Variants in KALRN observed in about 807,000 individuals in gnomAD.
The protein encoded by KALRN is kalirin RhoGEF kinase.
In KALRN, 70 loss-of-function variants were observed where a neutral mutation model predicts 353.7. The ratio of observed to expected loss-of-function variants is 0.20; its 90% CI spans 0.16 to 0.24. The LOEUF (loss-of-function observed/expected upper bound fraction) is 0.24, where lower values mean the gene tolerates loss of function less well. Among genes scored for constraint, KALRN ranks in the 10% least tolerant of loss-of-function variants. The pLI is 1.00. For missense variants in KALRN, 2,791 were observed against 3,756.7 expected, an observed-to-expected ratio of 0.74 and a Z score of 6.72; for synonymous variants, 1,391 against 1,434.8, an observed-to-expected ratio of 0.97 and a Z score of 0.69.
chr3:124,254,353 A>G (rs1210622439), intron 3 of KALRN, among the ~76,000 whole-genome samples: 2 of 150,496 alleles, frequency 1.3e-5, no homozygotes, highest in Non-Finnish European at 2.9e-5. Flanking sequence ...CCTCAGTTCT[A>G]ACAGGAGGAG....
intron 5 of KALRN, among the ~76,000 whole-genome samples, chr3:124,289,350 G>A (rs186775150): frequency 1.2e-3 from 177 of 152,288 alleles, no homozygotes; most frequent in African/African-American, 4.1e-3. Flanking sequence ...CAGGATTTAA[G>A]TCTGTATTGG....
At chr3:124,466,352 A>G (rs16835484) in intron 25 of KALRN, among the ~76,000 whole-genome samples, 6,844 of 152,276 alleles carry the variant, frequency 0.045, 228 homozygotes, top group East Asian at 0.13. Context: ...ATTGCATTTT[A>G]TAAGCATTCC....
intron 36 of KALRN, among the ~76,000 whole-genome samples, chr3:124,636,228 T>C (rs1213245536): frequency 6.6e-6 from 1 of 152,228 alleles, no homozygotes; most frequent in Non-Finnish European, 1.5e-5. Context: ...AAGGAGCCTA[T>C]GTCCTGGCCT....
chr3:124,642,012 T>G (rs1361387931), intron 37 of KALRN, among the ~76,000 whole-genome samples: 1 of 152,162 alleles, frequency 6.6e-6, no homozygotes, highest in African/African-American at 2.4e-5. Flanking sequence ...CCAAGTGTGG[T>G]GGCTCACACC....
intron 33 of KALRN, among the ~76,000 whole-genome samples, chr3:124,533,408 G>A (rs1299211936): frequency 2.0e-5 from 3 of 152,082 alleles, no homozygotes; most frequent in African/African-American, 7.2e-5. Context: ...TTGGTAAGCC[G>A]AGTTGAGCAG....
At chr3:124,301,519 G>T (rs1021013645) in intron 6 of KALRN, among the ~76,000 whole-genome samples, 1 of 152,184 alleles carries the variant, frequency 6.6e-6, no homozygotes, top group Non-Finnish European at 1.5e-5. Context: ...GAAATCCCAG[G>T]GTTTTTGGAT....
At chr3:124,591,896 T>A (rs2075810920) in intron 34 of KALRN, among the ~76,000 whole-genome samples, 1 of 152,210 alleles carries the variant, frequency 6.6e-6, no homozygotes, top group African/African-American at 2.4e-5. Flanking sequence ...GTGATCTAGA[T>A]GTGTGGTGGG....
intron 1 of KALRN, among the ~76,000 whole-genome samples, chr3:124,061,147 A>G (rs1417812347): frequency 6.6e-6 from 1 of 152,162 alleles, no homozygotes; most frequent in African/African-American, 2.4e-5. Flanking sequence ...AGGCAGATAC[A>G]CGAGGGGAAT....
chr3:124,496,477 G>T (rs1235072555), intron 33 of KALRN, 64 bp downstream of exon 33: 2 of 1,185,238 alleles, frequency 1.7e-6, no homozygotes, highest in East Asian at 2.3e-5. Context: ...CCCCTGGAGA[G>T]GTACCCCTAG....
At chr3:124,118,151 T>C (rs2063625910) in intron 1 of KALRN, among the ~76,000 whole-genome samples, 1 of 152,084 alleles carries the variant, frequency 6.6e-6, no homozygotes, top group Non-Finnish European at 1.5e-5. Flanking sequence ...TGTCAGACTT[T>C]CCAGCCCCCA....
At chr3:124,208,232 G>A (rs920688940) in intron 1 of KALRN, among the ~76,000 whole-genome samples, 2 of 152,178 alleles carry the variant, frequency 1.3e-5, no homozygotes, top group African/African-American at 4.8e-5. Context: ...TCCCTAAAAT[G>A]GTAGGAAGGG....
chr3:124,180,873 T>C (rs926659162), intron 1 of KALRN, among the ~76,000 whole-genome samples: 12 of 152,050 alleles, frequency 7.9e-5, no homozygotes, highest in African/African-American at 2.9e-4. Flanking sequence ...TCACTCTGTA[T>C]GTATCTGACC....
At chr3:124,545,857 C>T (rs1302380970) in intron 33 of KALRN, among the ~76,000 whole-genome samples, 6 of 152,132 alleles carry the variant, frequency 3.9e-5, no homozygotes, top group Admixed American at 2.0e-4. Flanking sequence ...GGACAGCAAC[C>T]GTCTTAACTC....
rs984069524 is a variant in KALRN, at chr3:124,423,075, A to G, written c.2709+97A>G. 33 of 1,178,484 alleles carry G rather than the reference A, an allele frequency of 2.8e-5. 1 individual carries two copies. Among genetic ancestry groups the G allele is most frequent in the African/African-American group, 4.6e-5 (3 of 65,214 alleles). 73.0% of individuals were successfully genotyped at this position (1,178,484 alleles called of 1,614,324 possible). On this transcript the variant is annotated intron_variant, in intron 15 of 59. Transcript: ENST00000682506. The stretch of plus-strand genomic sequence containing the variant: ...TATGAGGTAAGGCATACAGAGCCAC[A>G]GGTGCCCCTTTAAGTAACCAGCACT...
At chr3:124,259,530 A>G (rs941791080) in intron 3 of KALRN, among the ~76,000 whole-genome samples, 3 of 152,194 alleles carry the variant, frequency 2.0e-5, no homozygotes, top group Non-Finnish European at 2.9e-5. Context: ...TATTATTCAC[A>G]TTTTACATTG....
chr3:124,209,849 T>A (rs1381886005), intron 1 of KALRN, among the ~76,000 whole-genome samples: 1 of 152,250 alleles, frequency 6.6e-6, no homozygotes, highest in African/African-American at 2.4e-5. Flanking sequence ...AGTATATGCT[T>A]GTATTACATC....
At chr3:124,591,695 T>C (rs142542900) in intron 34 of KALRN, among the ~76,000 whole-genome samples, 4 of 152,328 alleles carry the variant, frequency 2.6e-5, no homozygotes, top group Non-Finnish European at 5.9e-5. Flanking sequence ...AAAAATTAGC[T>C]ATTAACCATA....
Position 124,293,393 on chromosome 3 carries a change from T to C in KALRN, c.970-5398T>C, listed in dbSNP as rs72976527. On this transcript the variant is annotated intron_variant, in intron 5 of 59. Coordinates refer to ENST00000682506, the MANE Select transcript of KALRN (RefSeq NM_001388419.1). ...TGAAGGAAAATAAACATAAGATTCTTAATATACTTGTCCTATGAAATAATT... is the reference window on the plus strand; with the variant it reads ...TGAAGGAAAATAAACATAAGATTCTCAATATACTTGTCCTATGAAATAATT... Among the ~76,000 whole-genome samples, 646 of 152,344 alleles carry C rather than the reference T, an allele frequency of 4.2e-3. 5 individuals are homozygous for C. Among genetic ancestry groups the C allele is most frequent in the African/African-American group, 0.014 (598 of 41,590 alleles).
At position 124,319,016 on chromosome 3, in the gene KALRN, T is replaced by C. The variant is rs2079068492; in HGVS notation, c.1093-6964T>C. 2.0e-5 allele frequency among the ~76,000 whole-genome samples: 3 copies of C among 152,184 alleles called. No homozygotes were observed. The South Asian group carries it at 6.2e-4, about 31-fold the overall frequency. ...TATTCTTGTCTTTAGAAAAGCAGTT[T>C]TGGTCATTAAAACCTGCTTATTCTA... On this transcript the variant is annotated intron_variant, in intron 6 of 59. Transcript: ENST00000682506.
Sources: gnomAD v4.1 joint callset for allele counts (sites outside exome capture counted in the v4.1 genomes callset) on GRCh38, gnomAD v4.1.1 for gene constraint, MANE v1.5 for transcripts, NCBI Gene and HGNC (gene_info 2026-07-23, HGNC 2026-07-21) for gene names.